Variants in MAP7D2 observed in about 807,000 individuals in gnomAD.
The protein encoded by MAP7D2 is MAP7 domain containing 2.
In MAP7D2, 33 loss-of-function variants were observed where a neutral mutation model predicts 63.5. The observed-to-expected ratio is 0.52, with a 90% CI of 0.39 to 0.70. MAP7D2 has a LOEUF of 0.70. Among genes scored for constraint, MAP7D2 ranks in the 30% least tolerant of loss-of-function variants. The pLI, the probability that MAP7D2 is intolerant of heterozygous loss-of-function variation, is 0.00. For synonymous variants in MAP7D2, 224 were observed against 223.7 expected (o/e 1.00, Z -0.01); for missense variants, 626 against 604.0 (o/e 1.04, Z -0.38).
At chrX:20,055,861 A>G in intron 4 of MAP7D2, 1 of 807,948 alleles carries the variant, frequency 1.2e-6, no homozygotes, top group Non-Finnish European at 1.6e-6. Context: ...GAGCAAAGAG[A>G]GGTAAAAGAA....
chrX:20,064,831 T>C (rs2065310406), intron 1 of MAP7D2, 26 bp from the exon 2 acceptor site: 1 of 1,167,755 alleles, frequency 8.6e-7, no homozygotes, highest in Admixed American at 2.2e-5. Context: ...CTAGATTATG[T>C]TTCAGTTCTT....
chrX:20,065,108 T>C (rs182976619), intron 1 of MAP7D2, among the ~76,000 whole-genome samples: 109 of 111,198 alleles, frequency 9.8e-4, no homozygotes, highest in African/African-American at 3.3e-3. Flanking sequence ...GAAAGTACAG[T>C]AAGTGACAGA....
chrX:20,010,225 T>TA (rs2073146432), intron 16 of MAP7D2, among the ~76,000 whole-genome samples: 2 of 111,013 alleles, frequency 1.8e-5, no homozygotes, highest in South Asian at 7.5e-4. Context: ...TTGGCAAAAA[T>TA]AAAAAAAGGC....
intron 1 of MAP7D2, among the ~76,000 whole-genome samples, chrX:20,074,255 C>A (rs1197075693): frequency 9.0e-6 from 1 of 111,043 alleles, no homozygotes; most frequent in Non-Finnish European, 1.9e-5. Context: ...AGTGTGATTT[C>A]TTCTGGACTC....
chrX:20,109,010 C>T (rs1245792799), intron 1 of MAP7D2, among the ~76,000 whole-genome samples: 1 of 109,785 alleles, frequency 9.1e-6, no homozygotes, highest in East Asian at 2.8e-4. Flanking sequence ...ATTTTAATAA[C>T]ATTTTTGCTG....
chrX:20,114,493 T>C (rs1569163353), intron 1 of MAP7D2, among the ~76,000 whole-genome samples: 1 of 112,888 alleles, frequency 8.9e-6, no homozygotes, highest in African/African-American at 3.2e-5. Context: ...TTATACTATG[T>C]GTATCAGACA....
At chrX:20,030,068 GA>G (rs902527132) in intron 8 of MAP7D2, among the ~76,000 whole-genome samples, 1 of 112,157 alleles carries the variant, frequency 8.9e-6, no homozygotes, top group African/African-American at 3.2e-5. Flanking sequence ...CAATTTCCTG[GA>G]AATAGGTATT....
chrX:20,068,233 G>C (rs181846102), intron 1 of MAP7D2, among the ~76,000 whole-genome samples: 6 of 112,040 alleles, frequency 5.4e-5, no homozygotes, highest in Non-Finnish European at 9.4e-5. Context: ...TTACAGTTCA[G>C]TTCTTTAGTC....
chrX:20,021,852 C>A (rs1311242496), intron 10 of MAP7D2, among the ~76,000 whole-genome samples: 1 of 111,764 alleles, frequency 8.9e-6, no homozygotes, highest in Non-Finnish European at 1.9e-5. Flanking sequence ...TCTGCCTTCA[C>A]CATACTACTT....
At position 20,116,785 on chromosome X, in the gene MAP7D2, G is replaced by T; in HGVS notation, c.95C>A (p.Ala32Glu). The T allele has an allele frequency of 8.4e-7, 1 of 1,190,728 alleles. No individual in the cohort carries two copies. The change falls in exon 1 of 17, where the codon GCG becomes GAG. Residue 32 changes from alanine to glutamate, a missense_variant. Ala to Glu is a moderately radical substitution (Grantham distance 107). Transcript: ENST00000379643. Reference sequence around the variant, plus strand: ...GTAGTTGGGCTGAGAGGTCCGCACCGCGCCCGGTTCTGCGATCTTCCCTGG... The same window carrying T: ...GTAGTTGGGCTGAGAGGTCCGCACCTCGCCCGGTTCTGCGATCTTCCCTGG... Reference protein sequence around the residue: ...SLPGKIAEPGAVRTSQPNYRP... With the variant: ...SLPGKIAEPGEVRTSQPNYRP...
intron 1 of MAP7D2, among the ~76,000 whole-genome samples, chrX:20,089,137 T>C (rs2065999367): frequency 8.9e-6 from 1 of 112,160 alleles, no homozygotes; most frequent in African/African-American, 3.2e-5. Context: ...TATTTTGGAG[T>C]TAATTTTTAT....
At chrX:20,100,749 T>C (rs1267490980) in intron 1 of MAP7D2, among the ~76,000 whole-genome samples, 2 of 110,974 alleles carry the variant, frequency 1.8e-5, no homozygotes, top group Non-Finnish European at 3.8e-5. Context: ...CAACCGGGCG[T>C]GGTGGCTCAA....
Position 20,008,289 on chromosome X carries a change from T to C in MAP7D2, c.*136A>G, listed in dbSNP as rs1199320676. The C allele has an allele frequency of 8.9e-6, 1 of 112,134 alleles. No homozygotes were observed. The highest frequency in any genetic ancestry group is 3.2e-5 in the African/African-American group (1 of 30,880). The allele number at this position is 112,134 out of a possible 1,213,427, so 9.2% of individuals were successfully genotyped here. On this transcript the variant is annotated 3_prime_UTR_variant, in exon 17 of 17. Transcript: ENST00000379643. Reference sequence around the variant, plus strand: ...TTGACATACTACCTAGGAATACAGTTACATTCCGAGCTAATAATTTGGGAT... The same window carrying C: ...TTGACATACTACCTAGGAATACAGTCACATTCCGAGCTAATAATTTGGGAT...
rs1006559482 is a variant in MAP7D2, at chrX:20,006,905, G to A, written c.*1520C>T. The stretch of plus-strand genomic sequence containing the variant: ...AAATGTATTTCACATTAAACACAAG[G>A]TACATATCATGCAAATGAGGCATCA... On this transcript the variant is annotated 3_prime_UTR_variant, in exon 17 of 17. Coordinates refer to ENST00000379643, the MANE Select transcript of MAP7D2 (RefSeq NM_001168465.2). 1.8e-5 allele frequency: 2 copies of A among 112,219 alleles called. No individual in the cohort carries two copies. The highest frequency in any genetic ancestry group is 6.5e-5 in the African/African-American group (2 of 30,898). The allele number at this position is 112,219 out of a possible 1,213,427, so 9.2% of individuals were successfully genotyped here.
At chrX:20,110,662 CAAAAAAA>C (rs1282020261) in intron 1 of MAP7D2, among the ~76,000 whole-genome samples, 2 of 33,063 alleles carry the variant, frequency 6.0e-5, no homozygotes, top group African/African-American at 1.0e-4. Flanking sequence ...GACTCTGTCT[CAAAAAAA>C]AAAAAAAAAA....
At chrX:20,065,041 G>A (rs1302920758) in intron 1 of MAP7D2, among the ~76,000 whole-genome samples, 1 of 111,411 alleles carries the variant, frequency 9.0e-6, no homozygotes, top group Admixed American at 9.6e-5. Flanking sequence ...GCCAACATCA[G>A]CCCCAGAGGA....
intron 8 of MAP7D2, among the ~76,000 whole-genome samples, chrX:20,032,475 C>A (rs1204489980): frequency 9.0e-6 from 1 of 111,287 alleles, no homozygotes. Context: ...AAGGGATAGC[C>A]TGGGTCTGGG....
At chrX:20,105,416 G>T (rs994019571) in intron 1 of MAP7D2, among the ~76,000 whole-genome samples, 1 of 111,053 alleles carries the variant, frequency 9.0e-6, no homozygotes, top group African/African-American at 3.3e-5. Flanking sequence ...TCTGGGAAGG[G>T]GTTCATCCTG....
intron 1 of MAP7D2, among the ~76,000 whole-genome samples, chrX:20,066,620 AC>A (rs1370715293): frequency 9.0e-6 from 1 of 111,459 alleles, no homozygotes; most frequent in African/African-American, 3.3e-5. Context: ...CATTCCAGCC[AC>A]CCCGCAATCT....
Sources: gnomAD v4.1 joint callset for allele counts (sites outside exome capture counted in the v4.1 genomes callset) on GRCh38, gnomAD v4.1.1 for gene constraint, MANE v1.5 for transcripts, NCBI Gene and HGNC (gene_info 2026-07-23, HGNC 2026-07-21) for gene names.